The following MAGI3 variants were observed in gnomAD, a reference collection of about 807,000 sequenced individuals.
MAGI3 encodes membrane associated guanylate kinase, WW and PDZ domain containing 3.
Under a neutral mutation model 121.8 loss-of-function variants are expected in MAGI3, and 43 were observed. The observed-to-expected ratio is 0.35, with a 90% CI of 0.28 to 0.46. The LOEUF (loss-of-function observed/expected upper bound fraction) is 0.46, where lower values mean the gene tolerates loss of function less well. Among genes scored for constraint, MAGI3 ranks in the 20% least tolerant of loss-of-function variants. The pLI is 1.00. For missense variants in MAGI3, 1,547 were observed against 1,797.3 expected (o/e 0.86, Z 2.52); for synonymous variants, 553 against 639.3 (o/e 0.86, Z 2.04).
chr1:113,559,104 T>C (rs947204929), intron 2 of MAGI3, among the ~76,000 whole-genome samples: 1 of 152,190 alleles, frequency 6.6e-6, no homozygotes, highest in Non-Finnish European at 1.5e-5. Flanking sequence ...AAATACACTG[T>C]GGTGCACAGA....
intron 1 of MAGI3, among the ~76,000 whole-genome samples, chr1:113,446,698 G>T (rs1654194820): frequency 6.6e-6 from 1 of 152,154 alleles, no homozygotes; most frequent in African/African-American, 2.4e-5. Flanking sequence ...GATACTCCAT[G>T]CAATAGTAAC....
At chr1:113,454,994 C>T (rs889412575) in intron 1 of MAGI3, among the ~76,000 whole-genome samples, 6 of 151,918 alleles carry the variant, frequency 3.9e-5, no homozygotes, top group East Asian at 1.9e-4. Flanking sequence ...AGAAGGCATA[C>T]GTGAAAAATT....
At chr1:113,456,396 A>C (rs1654761195) in intron 1 of MAGI3, among the ~76,000 whole-genome samples, 1 of 152,160 alleles carries the variant, frequency 6.6e-6, no homozygotes, top group Non-Finnish European at 1.5e-5. Flanking sequence ...TCTATATCCA[A>C]CTGTTTTGTA....
chr1:113,432,668 T>A (rs1357227259), intron 1 of MAGI3, among the ~76,000 whole-genome samples: 1 of 152,012 alleles, frequency 6.6e-6, no homozygotes, highest in East Asian at 1.9e-4. Flanking sequence ...ATTTTATGTT[T>A]ATCATGAAGG....
chr1:113,439,528 C>A (rs1333223841), intron 1 of MAGI3, among the ~76,000 whole-genome samples: 1 of 152,158 alleles, frequency 6.6e-6, no homozygotes, highest in African/African-American at 2.4e-5. Context: ...CCTATAGCAT[C>A]TGATGTATGC....
In MAGI3 at chr1:113,462,040, T is replaced by G. The variant is rs189772978; in HGVS notation, c.316+70691T>G. ...AGATACCATCTCATACCAGTCAGAA[T>G]GGTTATCATTAGTCAAAAAATAACA... On this transcript the variant is annotated intron_variant, in intron 1 of 20. Coordinates refer to ENST00000307546, the MANE Select transcript of MAGI3 (RefSeq NM_001142782.2). 1.1e-4 allele frequency among the ~76,000 whole-genome samples: 17 copies of G among 152,236 alleles called. No individual in the cohort carries two copies. In the East Asian group the frequency reaches 2.9e-3, roughly 26 times the overall value.
rs368369545 is a variant in MAGI3, at chr1:113,683,421, C to A, written c.3853C>A (p.Arg1285=). The change falls in exon 21 of 21, where the codon CGG becomes AGG. Residue 1285 remains arginine (R), a synonymous_variant. Coordinates refer to ENST00000307546, the MANE Select transcript of MAGI3 (RefSeq NM_001142782.2). The part of the protein sequence containing the change: ...GQDQCRKSRG[R]SASPKKQQKI... ...AGATCAGTGCAGAAAAAGCAGAGGT[C>A]GGTCGGCCAGCCCAAAAAAGCAGCA... is the stretch of plus-strand genomic sequence containing the variant. 2 of 1,613,784 alleles carry A rather than the reference C, an allele frequency of 1.2e-6. No individual in the cohort carries two copies. Among genetic ancestry groups the A allele is most frequent in the African/African-American group, 2.7e-5 (2 of 74,870 alleles).
intron 2 of MAGI3, among the ~76,000 whole-genome samples, chr1:113,568,912 G>A (rs1309290290): frequency 6.6e-6 from 1 of 151,960 alleles, no homozygotes; most frequent in Non-Finnish European, 1.5e-5. Context: ...ACCATTAGCT[G>A]TAAAGGAAAA....
At chr1:113,473,092 G>T (rs1244727706) in intron 1 of MAGI3, among the ~76,000 whole-genome samples, 3 of 152,034 alleles carry the variant, frequency 2.0e-5, no homozygotes, top group African/African-American at 7.2e-5. Context: ...TTCATTTTAA[G>T]TTGAAGAACT....
intron 19 of MAGI3, among the ~76,000 whole-genome samples, chr1:113,680,987 T>C (rs879648316): frequency 6.6e-6 from 1 of 152,138 alleles, no homozygotes; most frequent in Admixed American, 6.5e-5. Context: ...CTGTGTAGGA[T>C]TTTTGTGAGT....
intron 1 of MAGI3, among the ~76,000 whole-genome samples, chr1:113,436,137 ATTATC>A (rs1266828483): frequency 1.3e-5 from 2 of 152,150 alleles, no homozygotes; most frequent in South Asian, 2.1e-4. Flanking sequence ...CATATTATAA[ATTATC>A]TTAACTACAG....
intron 9 of MAGI3, among the ~76,000 whole-genome samples, chr1:113,623,328 CAATTA>C (rs1048883224): frequency 2.0e-5 from 3 of 151,592 alleles, no homozygotes; most frequent in African/African-American, 7.3e-5. Context: ...ATAAAATATA[CAATTA>C]AATTATTGCT....
chr1:113,586,266 C>T (rs574034796), intron 4 of MAGI3, among the ~76,000 whole-genome samples: 1 of 152,174 alleles, frequency 6.6e-6, no homozygotes, highest in Non-Finnish European at 1.5e-5. Context: ...ATTCAGAACA[C>T]TAGAATGTAA....
chr1:113,681,058 A>G (rs1648185154), intron 19 of MAGI3, 140 bp from the exon 20 acceptor site: 1 of 841,742 alleles, frequency 1.2e-6, no homozygotes, highest in East Asian at 2.7e-5. Flanking sequence ...CAACTCTCAC[A>G]TGGCAGTACT....
At chr1:113,441,759 C>T (rs912580167) in intron 1 of MAGI3, among the ~76,000 whole-genome samples, 3 of 152,064 alleles carry the variant, frequency 2.0e-5, no homozygotes, top group Non-Finnish European at 1.5e-5. Context: ...CCTGATTAGT[C>T]CCTCTATAAT....
intron 9 of MAGI3, among the ~76,000 whole-genome samples, chr1:113,638,947 C>G (rs964629692): frequency 9.9e-4 from 151 of 152,346 alleles, no homozygotes; most frequent in South Asian, 3.5e-3. Context: ...GCGGGCGCCC[C>G]TCCCCCAGCC....
chr1:113,456,853 C>G (rs1046846998), intron 1 of MAGI3, among the ~76,000 whole-genome samples: 6 of 139,720 alleles, frequency 4.3e-5, no homozygotes, highest in African/African-American at 1.6e-4. Flanking sequence ...CGGATACAGC[C>G]TTTTTTTTTT....
At chr1:113,629,763 C>CTCTCTCT (rs143631602) in intron 9 of MAGI3, among the ~76,000 whole-genome samples, 1 of 45,172 alleles carries the variant, frequency 2.2e-5, no homozygotes, top group Admixed American at 2.2e-4. Flanking sequence ...TCTCTCTCTC[C>CTCTCTCT]CTCCCTCCCT....
chr1:113,565,122 T>C (rs1444624105), intron 2 of MAGI3, among the ~76,000 whole-genome samples: 1 of 151,974 alleles, frequency 6.6e-6, no homozygotes, highest in Non-Finnish European at 1.5e-5. Flanking sequence ...AGTGCTGGGA[T>C]TGCAGGTGTG....
Sources: gnomAD v4.1 joint callset for allele counts (sites outside exome capture counted in the v4.1 genomes callset) on GRCh38, gnomAD v4.1.1 for gene constraint, MANE v1.5 for transcripts, NCBI Gene and HGNC (gene_info 2026-07-23, HGNC 2026-07-21) for gene names.